LIPF: variants seen among roughly 807,000 people sequenced by gnomAD.
LIPF encodes gastric triacylglycerol lipase.
Under a neutral mutation model 38.0 loss-of-function variants are expected in LIPF, and 25 were observed. The ratio of observed to expected loss-of-function variants is 0.66; its 90% CI spans 0.48 to 0.92. The LOEUF is 0.92. Among genes scored for constraint, LIPF ranks in the 40% least tolerant of loss-of-function variants. The pLI is 0.00. For missense variants in LIPF, 410 were observed against 469.9 expected (o/e 0.87, Z 1.18); for synonymous variants, 161 against 156.2 (o/e 1.03, Z -0.23).
At chr10:88,669,974 G>A (rs1344838467) in intron 5 of LIPF, 28 bp downstream of exon 5, 1 of 1,441,206 alleles carries the variant, frequency 6.9e-7, no homozygotes, top group Non-Finnish European at 9.7e-7. Context: ...AGGCCAAGTG[G>A]TTTACTTCTC....
chr10:88,671,901 C>T lies in LIPF; in HGVS notation c.605C>T (p.Ala202Val). The change falls in exon 6 of 10, where the codon GCC becomes GTC. Residue 202 changes from alanine to valine, a missense_variant. By Grantham distance (64) the Ala-to-Val change is moderately conservative (BLOSUM62 0). Coordinates refer to ENST00000238983, the MANE Select transcript of LIPF (RefSeq NM_004190.4). ...IKTFYALAPV[A>V]TVKYTKSLIN... ...ACCTTCTATGCTCTAGCTCCTGTTG[C>T]CACTGTGAAGTATACAAAAAGCCTT... The T allele has an allele frequency of 1.2e-6, 2 of 1,613,460 alleles. No homozygotes were observed. Among genetic ancestry groups the T allele is most frequent in the South Asian group, 2.2e-5 (2 of 90,960 alleles).
At chr10:88,665,589 C>T (rs1281351973) in intron 1 of LIPF, 1 of 1,514,520 alleles carries the variant, frequency 6.6e-7, no homozygotes, top group African/African-American at 1.4e-5. Flanking sequence ...TTTACAATGG[C>T]AAATCACTTA....
chr10:88,670,028 C>CT (rs1841571723), intron 5 of LIPF, 82 bp downstream of exon 5: 2 of 796,848 alleles, frequency 2.5e-6, no homozygotes, highest in African/African-American at 1.7e-5. Context: ...TTAGCAACCA[C>CT]ACTAATTGCT....
rs776568111 is a variant in LIPF at position 88,673,613 on chromosome 10, A to T, written c.695A>T (p.Tyr232Phe). Reference sequence around the variant, plus strand: ...TTTATATTTGGTGACAAAATATTCTACCCACACAACTTCTTTGATCAATTT... The same window carrying T: ...TTTATATTTGGTGACAAAATATTCTTCCCACACAACTTCTTTGATCAATTT... ...FKFIFGDKIF[Y>F]PHNFFDQFLA... Residue 232 changes from tyrosine to phenylalanine, a missense_variant, in exon 7 of 10, where the codon TAC becomes TTC. Physicochemically the swap from Tyr to Phe is conservative, Grantham distance 22 (BLOSUM62 3). Transcript: ENST00000238983. 4.0e-5 allele frequency: 64 copies of T among 1,611,804 alleles called. No homozygotes were observed. Among genetic ancestry groups the T allele is most frequent in the Non-Finnish European group, 5.3e-5 (62 of 1,178,482 alleles).
At chr10:88,667,710 C>T (rs747889916) in intron 3 of LIPF, 24 bp downstream of exon 3, 1 of 933,686 alleles carries the variant, frequency 1.1e-6, no homozygotes, top group South Asian at 1.5e-5. Flanking sequence ...TCTTTTCTTC[C>T]TTCCTTTCTC....
chr10:88,665,805 G>T (rs1841504389), intron 1 of LIPF, among the ~76,000 whole-genome samples: 1 of 138,390 alleles, frequency 7.2e-6, no homozygotes. Flanking sequence ...GTGCAATGGT[G>T]CGATCTCCGC....
intron 7 of LIPF, among the ~76,000 whole-genome samples, chr10:88,674,879 G>A (rs549652167): frequency 6.6e-6 from 1 of 152,250 alleles, no homozygotes; most frequent in Admixed American, 6.5e-5. Flanking sequence ...TTCCATATGT[G>A]GAGTTTAACA....
chr10:88,676,148 G>A, intron 8 of LIPF, 61 bp from the exon 9 acceptor site: 2 of 995,322 alleles, frequency 2.0e-6, no homozygotes, highest in Non-Finnish European at 3.0e-6. Flanking sequence ...GGAAATGTTT[G>A]AATTTTATTT....
rs201316385 is a variant in LIPF at position 88,678,445 on chromosome 10, T to C, written c.961T>C (p.Ser321Pro). The part of the protein sequence containing the change: ...PVQNRMHYDQ[S>P]QPPYYNVTAM... ...TGGTTCTTTCTCTTGTGTTTTCTAG[T>C]CCCAACCTCCCTACTACAATGTGAC... Residue 321 changes from serine to proline, a missense_variant and splice_region_variant, in exon 10 of 10, where the codon TCC (serine) becomes CCC (proline). By Grantham distance (74) the Ser-to-Pro change is moderately conservative. Coordinates refer to ENST00000238983, the MANE Select transcript of LIPF (RefSeq NM_004190.4). The C allele has an allele frequency of 1.1e-5, 17 of 1,611,334 alleles. No homozygotes were observed. In the Admixed American group the frequency reaches 2.5e-4, roughly 24 times the overall value.
intron 1 of LIPF, among the ~76,000 whole-genome samples, chr10:88,666,108 A>G (rs956278575): frequency 1.3e-5 from 2 of 152,216 alleles, no homozygotes; most frequent in African/African-American, 4.8e-5. Context: ...ATTAGACCAG[A>G]GGGTCAGATT....
At chr10:88,674,382 A>G (rs1057511708) in intron 7 of LIPF, among the ~76,000 whole-genome samples, 4 of 151,834 alleles carry the variant, frequency 2.6e-5, no homozygotes, top group Non-Finnish European at 5.9e-5. Context: ...GTTAGCCAGG[A>G]TGGTCTCAAT....
chr10:88,666,312 A>G (rs921758049), intron 1 of LIPF, among the ~76,000 whole-genome samples: 4 of 152,218 alleles, frequency 2.6e-5, no homozygotes, highest in Non-Finnish European at 5.9e-5. Flanking sequence ...AAATATTTCT[A>G]CATATGATCT....
At chr10:88,677,315 A>G (rs1271163298) in intron 9 of LIPF, among the ~76,000 whole-genome samples, 1 of 152,108 alleles carries the variant, frequency 6.6e-6, no homozygotes, top group Non-Finnish European at 1.5e-5. Context: ...CTCTCTTTCT[A>G]CTGGACTCTA....
chr10:88,674,448 G>T (rs1028802799), intron 7 of LIPF, among the ~76,000 whole-genome samples: 8 of 152,020 alleles, frequency 5.3e-5, no homozygotes, highest in African/African-American at 1.9e-4. Flanking sequence ...GATTACAGGC[G>T]TGAGCCACCA....
chr10:88,669,942 C>A lies in LIPF; in HGVS notation c.528C>A (p.Thr176=). ...ATGTTGGCCATTCCCAGGGCACCAC[C>A]ATTGGTAAGTAATGGCAGTCAAGGC... is the stretch of plus-strand genomic sequence containing the variant. ...LHYVGHSQGT[T]IGFIAFSTNP... is the part of the protein sequence containing the mutation. Residue 176 remains threonine, a synonymous_variant, in exon 5 of 10, where the codon ACC becomes ACA. Transcript: ENST00000238983. The A allele has an allele frequency of 6.2e-7, 1 of 1,602,290 alleles. No individual in the cohort carries two copies. The highest frequency in any genetic ancestry group is 8.5e-7 in the Non-Finnish European group (1 of 1,170,406).
At chr10:88,673,758 T>C (rs981505779) in intron 7 of LIPF, 24 bp downstream of exon 7, 2 of 1,589,128 alleles carry the variant, frequency 1.3e-6, no homozygotes, top group South Asian at 1.1e-5. Context: ...TCAATTTCTA[T>C]ATTTTGAGCA....
intron 6 of LIPF, among the ~76,000 whole-genome samples, chr10:88,672,668 A>ACTCTCTCT (rs1177143873): frequency 2.5e-3 from 295 of 116,564 alleles, no homozygotes; most frequent in African/African-American, 9.4e-3. Flanking sequence ...ACACACACAC[A>ACTCTCTCT]CACTCTCTCT....
At chr10:88,670,534 T>C (rs564609292) in intron 5 of LIPF, among the ~76,000 whole-genome samples, 43 of 152,278 alleles carry the variant, frequency 2.8e-4, no homozygotes, top group African/African-American at 9.1e-4. Flanking sequence ...GAGTGAGTCA[T>C]GTGCCTACCT....
chr10:88,668,638 C>CT lies in LIPF; in HGVS notation c.306dup (p.Ala103CysfsTer10). The CT allele has an allele frequency of 1.9e-6, 3 of 1,614,200 alleles. No homozygotes were observed. Among genetic ancestry groups the CT allele is most frequent in the Non-Finnish European group, 2.5e-6 (3 of 1,180,020 alleles). On this transcript the variant is annotated frameshift_variant, in exon 4 of 10. Transcript: ENST00000238983. LOFTEE classifies it high-confidence loss of function. ...GATTTCCAACCTGCCGAACAACAGC[C>CT]TTGCCTTCATTCTGGCAGATGCTGG...
Sources: allele counts gnomAD v4.1 joint callset (sites outside exome capture counted in the v4.1 genomes callset), GRCh38; gene constraint gnomAD v4.1.1; transcripts MANE v1.5; gene names NCBI Gene and HGNC (gene_info 2026-07-23, HGNC 2026-07-21).